Variants in KRT77 observed in about 807,000 individuals in gnomAD.
The protein encoded by KRT77 is keratin, type II cytoskeletal 1b.
A neutral mutation model predicts 51.5 loss-of-function variants in KRT77; 44 were observed. The ratio of observed to expected loss-of-function variants is 0.85; its 90% CI spans 0.67 to 1.10. KRT77 has a LOEUF of 1.10. Ranked by LOEUF, KRT77 falls within the 50% of genes least tolerant of loss-of-function variation. The pLI, the probability that KRT77 is intolerant of heterozygous loss-of-function variation, is 0.00. For synonymous variants in KRT77, 293 were observed against 302.0 expected (o/e 0.97, Z 0.31); for missense variants, 763 against 743.9 (o/e 1.03, Z -0.30).
At chr12:52,698,980 G>A (rs751320648) in intron 1 of KRT77, among the ~76,000 whole-genome samples, 4 of 152,160 alleles carry the variant, frequency 2.6e-5, no homozygotes, top group African/African-American at 4.8e-5. Flanking sequence ...TTGAGACTCC[G>A]CCCCTCTGAG....
chr12:52,702,427 G>T (rs1268073519), intron 1 of KRT77, among the ~76,000 whole-genome samples: 2 of 152,064 alleles, frequency 1.3e-5, no homozygotes, highest in African/African-American at 4.8e-5. Flanking sequence ...GCATGTGTGT[G>T]TGTGTGTGTA....
At chr12:52,697,416 A>G (rs1413017354) in intron 2 of KRT77, among the ~76,000 whole-genome samples, 3 of 152,250 alleles carry the variant, frequency 2.0e-5, no homozygotes, top group Non-Finnish European at 4.4e-5. Context: ...TAAGTGGCAG[A>G]GGCCACACTG....
In KRT77 at chr12:52,703,464, A is replaced by G; in HGVS notation, c.-30T>C. ...GCTGGAGCATCCAGAGAAGCAGGCA[A>G]GAGAAAGAGCCTGGCAGGAAGGAGG... is the stretch of plus-strand genomic sequence containing the variant. On this transcript the variant is annotated 5_prime_UTR_variant, in exon 1 of 9. Coordinates refer to ENST00000341809, the MANE Select transcript of KRT77 (RefSeq NM_175078.3). 6.5e-7 allele frequency: 1 copy of G among 1,538,008 alleles called. No homozygotes were observed. The highest frequency in any genetic ancestry group is 8.8e-7 in the Non-Finnish European group (1 of 1,141,966).
At position 52,692,580 on chromosome 12, in the gene KRT77, T is replaced by A. The variant is rs762584638; in HGVS notation, c.1268A>T (p.Asp423Val). 6.7e-7 allele frequency: 1 copy of A among 1,494,172 alleles called. No individual in the cohort carries two copies. The highest frequency in any genetic ancestry group is 1.8e-5 in the Admixed American group (1 of 56,590). 92.6% of individuals were successfully genotyped at this position (1,494,172 alleles called of 1,614,324 possible). ...AEERGEQALQ[D>V]AWQKLQDLEE... ...CAGGTCCTGCAGCTTCTGCCACGCA[T>A]CCTGGAGGGCCTGCTCGCCTCTCTC... The change falls in exon 7 of 9, where the codon GAT becomes GTT. Residue 423 changes from aspartate (D) to valine (V), a missense_variant. Asp to Val is a radical substitution (Grantham distance 152). Coordinates refer to ENST00000341809, the MANE Select transcript of KRT77 (RefSeq NM_175078.3).
chr12:52,703,247 T>C lies in KRT77; in HGVS notation c.188A>G (p.Asn63Ser), dbSNP rs139606582. 139 of 1,612,716 alleles carry C rather than the reference T, an allele frequency of 8.6e-5. No individual in the cohort carries two copies. Among genetic ancestry groups the C allele is most frequent in the Non-Finnish European group, 1.1e-4 (133 of 1,179,892 alleles). Residue 63 changes from asparagine (N) to serine (S), a missense_variant, in exon 1 of 9, where the codon AAT (asparagine) becomes AGT (serine). By Grantham distance (46) the Asn-to-Ser change is conservative. Coordinates refer to ENST00000341809, the MANE Select transcript of KRT77 (RefSeq NM_175078.3). ...GRGFGSRSLY[N>S]LGGSRSISIN... is the part of the protein sequence containing the mutation. ...GGAGATGCTTCTACTGCCACCCAGATTGTAGAGGCTCCTAGAGCCAAACCC... is the reference window on the plus strand; with the variant it reads ...GGAGATGCTTCTACTGCCACCCAGACTGTAGAGGCTCCTAGAGCCAAACCC...
At chr12:52,702,329 T>C (rs664831) in intron 1 of KRT77, among the ~76,000 whole-genome samples, 1 of 152,140 alleles carries the variant, frequency 6.6e-6, no homozygotes. Flanking sequence ...AAAATATTTG[T>C]GGGCTAGATG....
chr12:52,695,754 T>C lies in KRT77; in HGVS notation c.915+18A>G, dbSNP rs761341797. Reference sequence around the variant, plus strand: ...GATGTGAGAAAAGAAAGGAGGTTCTTATAAAGGCTTAACTCACCGTCAAAA... The same window carrying C: ...GATGTGAGAAAAGAAAGGAGGTTCTCATAAAGGCTTAACTCACCGTCAAAA... On this transcript the variant is annotated intron_variant, in intron 4 of 8. Coordinates refer to ENST00000341809, the MANE Select transcript of KRT77 (RefSeq NM_175078.3). The C allele has an allele frequency of 5.7e-6, 9 of 1,574,566 alleles. No homozygotes were observed. In the African/African-American group the frequency reaches 1.2e-4, roughly 21 times the overall value.
intron 2 of KRT77, 57 bp from the exon 3 acceptor site, chr12:52,696,487 G>A: frequency 1.4e-6 from 2 of 1,423,012 alleles, no homozygotes; most frequent in Non-Finnish European, 2.0e-6. Context: ...GGCTCCCTGA[G>A]GTCCCTCCTT....
At chr12:52,691,550 C>G in intron 8 of KRT77, 111 bp from the exon 9 acceptor site, 3 of 1,220,336 alleles carry the variant, frequency 2.5e-6, no homozygotes, top group Non-Finnish European at 3.4e-6. Flanking sequence ...GTGGCATCGA[C>G]TTGCAAACCC....
intron 7 of KRT77, 35 bp from the exon 8 acceptor site, chr12:52,692,007 C>G: frequency 6.2e-7 from 1 of 1,612,424 alleles, no homozygotes; most frequent in Admixed American, 1.7e-5. Context: ...GCCAGACCCA[C>G]AGGGCCTGAG....
intron 1 of KRT77, among the ~76,000 whole-genome samples, chr12:52,701,087 T>G (rs756584514): frequency 6.6e-6 from 1 of 152,222 alleles, no homozygotes; most frequent in African/African-American, 2.4e-5. Context: ...CCCTATGCCA[T>G]GCAACTGGAC....
intron 3 of KRT77, 127 bp from the exon 4 acceptor site, chr12:52,695,994 G>T (rs1224997236): frequency 1.5e-6 from 1 of 670,658 alleles, no homozygotes; most frequent in Non-Finnish European, 2.7e-6. Context: ...ATTCATCACC[G>T]CACTCGAATA....
rs757242665 is a variant in KRT77, at chr12:52,703,473, G to A, written c.-39C>T. 2 of 1,525,312 alleles carry A rather than the reference G, an allele frequency of 1.3e-6. No homozygotes were observed. Among genetic ancestry groups the A allele is most frequent in the Non-Finnish European group, 1.8e-6 (2 of 1,135,658 alleles). 94.5% of individuals were successfully genotyped at this position (1,525,312 alleles called of 1,614,324 possible). On this transcript the variant is annotated 5_prime_UTR_variant, in exon 1 of 9. Transcript: ENST00000341809. ...TCCAGAGAAGCAGGCAAGAGAAAGA[G>A]CCTGGCAGGAAGGAGGCAGAGACCA...
chr12:52,694,895 C>A, intron 4 of KRT77, 105 bp from the exon 5 acceptor site: 1 of 1,037,728 alleles, frequency 9.6e-7, no homozygotes, highest in East Asian at 2.6e-5. Flanking sequence ...GAAGCCTGGG[C>A]CAGGTAGTCT....
At chr12:52,695,907 G>T in intron 3 of KRT77, 40 bp from the exon 4 acceptor site, 1 of 1,276,836 alleles carries the variant, frequency 7.8e-7, no homozygotes, top group Non-Finnish European at 1.1e-6. Flanking sequence ...TATTGCCCAG[G>T]CATTGCCTGC....
intron 1 of KRT77, among the ~76,000 whole-genome samples, chr12:52,702,532 GTGTGTGTGTGTGTGTGTGTGTT>G (rs1394932956): frequency 4.4e-5 from 3 of 68,310 alleles, no homozygotes; most frequent in African/African-American, 9.9e-5. Flanking sequence ...ATGGATGTGT[GTGTGTGTGTGTGTGTGTGTGTT>G]TGTGTGTGTG....
chr12:52,692,261 C>G (rs1941722135), intron 7 of KRT77, among the ~76,000 whole-genome samples, 160 bp downstream of exon 7: 1 of 152,154 alleles, frequency 6.6e-6, no homozygotes, highest in African/African-American at 2.4e-5. Flanking sequence ...GAGGCTTGTC[C>G]ATTCACACAG....
intron 5 of KRT77, among the ~76,000 whole-genome samples, chr12:52,693,349 G>A (rs1941745656): frequency 6.6e-6 from 1 of 150,572 alleles, no homozygotes; most frequent in Non-Finnish European, 1.5e-5. Flanking sequence ...CTCCATCTCT[G>A]TTTCTGTCTC....
rs776190000 is a variant in KRT77, at chr12:52,696,380, A to T, written c.809T>A (p.Val270Asp). Reference sequence around the variant, plus strand: ...TCCCCTTTCCCTCACCTTCTTCAGGACGACAAAGTCATTCTCGCTGCCAGT... The same window carrying T: ...TCCCCTTTCCCTCACCTTCTTCAGGTCGACAAAGTCATTCTCGCTGCCAGT... ...KRTGSENDFV[V>D]LKKDVDAAYV... Residue 270 changes from valine (V) to aspartate (D), a missense_variant, in exon 3 of 9, where the codon GTC becomes GAC. Transcript: ENST00000341809. The T allele has an allele frequency of 6.2e-7, 1 of 1,614,172 alleles. No individual in the cohort carries two copies. Among genetic ancestry groups the T allele is most frequent in the South Asian group, 1.1e-5 (1 of 91,084 alleles).
Sources: gnomAD v4.1 joint callset for allele counts (sites outside exome capture counted in the v4.1 genomes callset) on GRCh38, gnomAD v4.1.1 for gene constraint, MANE v1.5 for transcripts, NCBI Gene and HGNC (gene_info 2026-07-23, HGNC 2026-07-21) for gene names.